The following CACNA1A variants were observed in gnomAD, a reference collection of about 807,000 sequenced individuals.
The protein encoded by CACNA1A is calcium voltage-gated channel subunit alpha1 A, also known as voltage-dependent P/Q-type calcium channel subunit alpha-1A.
CACNA1A carries 57 observed loss-of-function variants against 262.4 expected under a neutral mutation model. The ratio of observed to expected loss-of-function variants is 0.22; its 90% CI spans 0.18 to 0.27. The LOEUF (loss-of-function observed/expected upper bound fraction) is 0.27. Among genes scored for constraint, CACNA1A ranks in the 10% least tolerant of loss-of-function variants. The pLI, the probability that CACNA1A is intolerant of heterozygous loss-of-function variation, is 1.00. For missense variants in CACNA1A, 2,526 were observed against 3,562.8 expected (o/e 0.71, Z 7.41); for synonymous variants, 1,431 against 1,419.3 (o/e 1.01, Z -0.18).
chr19:13,248,766 C>G (rs1201980070), intron 30 of CACNA1A, among the ~76,000 whole-genome samples: 1 of 151,772 alleles, frequency 6.6e-6, no homozygotes. Flanking sequence ...TTGCTTGAAC[C>G]CGGGAAGCAG....
chr19:13,225,331 A>C (rs1209311419), intron 37 of CACNA1A: 1 of 155,324 alleles, frequency 6.4e-6, no homozygotes, highest in African/African-American at 2.4e-5. Flanking sequence ...CCTCGCAGGC[A>C]TGCAGCGAGG....
At chr19:13,303,961 G>A in intron 15 of CACNA1A, 77 bp from the exon 16 acceptor site, 1 of 1,034,918 alleles carries the variant, frequency 9.7e-7, no homozygotes, top group Non-Finnish European at 1.5e-6. Context: ...TGTGGAGCCG[G>A]AATCCGCCCA....
At chr19:13,329,330 TC>T (rs138335975) in intron 10 of CACNA1A, among the ~76,000 whole-genome samples, 13,500 of 152,178 alleles carry the variant, frequency 0.089, 922 homozygotes, top group East Asian at 0.37. Flanking sequence ...CAGGTAGCCT[TC>T]CCTGACTGCT....
chr19:13,285,101 T>C lies in CACNA1A; in HGVS notation c.3659A>G (p.Tyr1220Cys). Residue 1220 changes from tyrosine (Y) to cysteine (C), a missense_variant, in exon 21 of 47, where the codon TAT becomes TGT. By Grantham distance (194) the Tyr-to-Cys change is radical (BLOSUM62 -2). Around this residue, in one of 17 missense-constraint regions of CACNA1A, gnomAD observed 765 missense variants for 748.6 expected, o/e 1.02. Coordinates refer to ENST00000360228, the MANE Select transcript of CACNA1A (RefSeq NM_001127222.2). ...CGTGGACAGGATGAACATGGAGCTA[T>C]AGGGAGGCATTGGCTTAGGGCCGTC... Reference protein sequence around the residue: ...GEDGPKPMPPYSSMFILSTTN... With the variant: ...GEDGPKPMPPCSSMFILSTTN... 1 of 1,613,996 alleles carries C rather than the reference T, an allele frequency of 6.2e-7. No individual in the cohort carries two copies. The highest frequency in any genetic ancestry group is 1.1e-5 in the South Asian group (1 of 91,084).
chr19:13,471,548 A>G (rs1325305471), intron 1 of CACNA1A, among the ~76,000 whole-genome samples: 1 of 152,126 alleles, frequency 6.6e-6, no homozygotes, highest in East Asian at 1.9e-4. Context: ...AGCACCACCC[A>G]AGGTCAAGCC....
intron 1 of CACNA1A, among the ~76,000 whole-genome samples, chr19:13,493,390 A>G (rs981099376): frequency 1.3e-5 from 2 of 152,224 alleles, no homozygotes; most frequent in Non-Finnish European, 2.9e-5. Flanking sequence ...GCTGAACTGC[A>G]TCCCTGGTTT....
At chr19:13,259,946 C>A (rs144472424) in intron 26 of CACNA1A, 295 of 471,868 alleles carry the variant, frequency 6.3e-4, no homozygotes, top group African/African-American at 5.4e-3. Context: ...AGAGCTGACC[C>A]AGGGTCCAGC....
At chr19:13,294,197 C>A in intron 19 of CACNA1A, among the ~76,000 whole-genome samples, 1 of 131,436 alleles carries the variant, frequency 7.6e-6, no homozygotes. Context: ...GAGCAAGACC[C>A]TGCCTCAAAA....
chr19:13,216,646 T>TC (rs1568428245), intron 38 of CACNA1A, among the ~76,000 whole-genome samples: 2 of 126,912 alleles, frequency 1.6e-5, no homozygotes, highest in African/African-American at 6.1e-5. Context: ...TTTTTAAAAA[T>TC]TTATCTATCT....
chr19:13,246,817 G>A (rs1040970846), intron 30 of CACNA1A, among the ~76,000 whole-genome samples: 4 of 151,880 alleles, frequency 2.6e-5, no homozygotes, highest in East Asian at 1.9e-4. Context: ...TAGTAGAGAC[G>A]GGGTTTCACC....
Position 13,299,184 on chromosome 19 carries a change from T to C in CACNA1A, c.2449A>G (p.Thr817Ala). ...ACCACCAGCGGCCGGTCCAAGTGCG[T>C]CTTCATGTCTGGCCGCAGGTGCCGC... ...YTRHLRPDMK[T>A]HLDRPLVVDP... The change falls in exon 19 of 47, where the codon ACG becomes GCG. Residue 817 changes from threonine to alanine, a missense_variant. Thr to Ala is a moderately conservative substitution (Grantham distance 58, BLOSUM62 0). Around this residue, in one of 17 missense-constraint regions of CACNA1A, gnomAD observed 765 missense variants for 748.6 expected, o/e 1.02. Transcript: ENST00000360228. The C allele has an allele frequency of 6.2e-7, 1 of 1,612,850 alleles. No homozygotes were observed. Among genetic ancestry groups the C allele is most frequent in the Non-Finnish European group, 8.5e-7 (1 of 1,179,868 alleles).
intron 6 of CACNA1A, among the ~76,000 whole-genome samples, chr19:13,343,968 T>TG (rs1411547407): frequency 6.6e-6 from 1 of 152,120 alleles, no homozygotes; most frequent in Non-Finnish European, 1.5e-5. Flanking sequence ...CCCAGCACTT[T>TG]GGGGGGCTAA....
At position 13,308,380 on chromosome 19, in the gene CACNA1A, C is replaced by T. The variant is rs199523423; in HGVS notation, c.1781+36G>A. ...GCCCCACCATGTCCCCCATCCCCAC[C>T]CCCTGTACAAATGTCCAGGAACCCC... On this transcript the variant is annotated intron_variant, in intron 13 of 46. Transcript: ENST00000360228. The surrounding 1 kb of genome is among the most constrained non-coding windows in gnomAD (Gnocchi z 4.2). 12 of 1,556,270 alleles carry T rather than the reference C, an allele frequency of 7.7e-6. No homozygotes were observed. The South Asian group carries it at 1.3e-4, about 17-fold the overall frequency.
At chr19:13,491,882 C>T (rs569795200) in intron 1 of CACNA1A, among the ~76,000 whole-genome samples, 8 of 152,168 alleles carry the variant, frequency 5.3e-5, no homozygotes, top group South Asian at 4.2e-4. Flanking sequence ...TACACAGAGG[C>T]GCACACACAC....
At chr19:13,419,306 A>G (rs1040582785) in intron 3 of CACNA1A, among the ~76,000 whole-genome samples, 6 of 152,202 alleles carry the variant, frequency 3.9e-5, no homozygotes, top group African/African-American at 1.4e-4. Context: ...AGTAGTTTAT[A>G]CCATCTAGGT....
intron 3 of CACNA1A, among the ~76,000 whole-genome samples, chr19:13,379,227 T>G (rs1208714801): frequency 6.6e-6 from 1 of 152,080 alleles, no homozygotes; most frequent in Non-Finnish European, 1.5e-5. Context: ...GCAATCCTCC[T>G]GCCTTGGCCT....
At chr19:13,318,317 GGGAAGAGCACAA>G (rs1173932454) in intron 10 of CACNA1A, among the ~76,000 whole-genome samples, 2 of 152,132 alleles carry the variant, frequency 1.3e-5, no homozygotes, top group African/African-American at 4.8e-5. Flanking sequence ...GACATTTTTG[GGGAAGAGCACAA>G]GGAAGTCAGT....
chr19:13,286,304 C>T (rs188370615), intron 20 of CACNA1A, among the ~76,000 whole-genome samples, 199 bp downstream of exon 20: 20 of 152,262 alleles, frequency 1.3e-4, no homozygotes, highest in East Asian at 3.9e-4. Flanking sequence ...AACACAACCC[C>T]GTGCCAGGCA....
intron 24 of CACNA1A, among the ~76,000 whole-genome samples, chr19:13,264,891 T>TTC (rs201207563): frequency 0.081 from 12,243 of 150,656 alleles, 722 homozygotes; most frequent in East Asian, 0.38. Context: ...TTTTTTTTTT[T>TTC]TGAGATGGAG....
Sources: allele counts gnomAD v4.1 joint callset (sites outside exome capture counted in the v4.1 genomes callset), GRCh38; gene constraint gnomAD v4.1.1; regional missense constraint gnomAD v4.1.1; non-coding constraint Gnocchi (gnomAD v3.1); transcripts MANE v1.5; gene names NCBI Gene and HGNC (gene_info 2026-07-23, HGNC 2026-07-21).